Variants in CDC14B observed in about 807,000 individuals in gnomAD.
The protein encoded by CDC14B is cell division cycle 14B.
CDC14B carries 22 observed loss-of-function variants against 64.2 expected under a neutral mutation model. The observed-to-expected ratio is 0.34, with a 90% CI of 0.24 to 0.49. The LOEUF (loss-of-function observed/expected upper bound fraction) is 0.49, where lower values mean the gene tolerates loss of function less well. CDC14B is among the 20% of genes least tolerant of loss of function. CDC14B has a pLI of 0.99. For missense variants in CDC14B, 498 were observed against 629.9 expected (o/e 0.79, Z 2.24); for synonymous variants, 191 against 215.8 (o/e 0.89, Z 1.01).
chr9:96,518,101 C>T (rs185366034), intron 12 of CDC14B, among the ~76,000 whole-genome samples: 10 of 152,258 alleles, frequency 6.6e-5, no homozygotes, highest in Non-Finnish European at 1.5e-4. Context: ...ACATCTGTGA[C>T]CAAATATTAG....
chr9:96,496,372 G>A (rs1198823863), downstream of CDC14B: 3 of 508,908 alleles, frequency 5.9e-6, no homozygotes, highest in South Asian at 2.9e-5. Flanking sequence ...GGAAAAGGGA[G>A]GAGATGGACA....
At chr9:96,617,488 T>C (rs754955822) in intron 1 of CDC14B, among the ~76,000 whole-genome samples, 9 of 152,136 alleles carry the variant, frequency 5.9e-5, no homozygotes, top group Non-Finnish European at 1.2e-4. Context: ...AAACCGTATG[T>C]ACATTGGCCT....
intron 9 of CDC14B, among the ~76,000 whole-genome samples, chr9:96,524,853 T>TA (rs993252491): frequency 3.9e-5 from 6 of 152,036 alleles, no homozygotes; most frequent in East Asian, 1.9e-4. Flanking sequence ...CTCCTACATA[T>TA]AAAAAAAATC....
intron 1 of CDC14B, chr9:96,566,752 C>G (rs748469607): frequency 6.2e-7 from 1 of 1,600,448 alleles, no homozygotes; most frequent in South Asian, 1.1e-5. Context: ...GGGAAGCCCC[C>G]GCCCTCCCGG....
intron 13 of CDC14B, among the ~76,000 whole-genome samples, chr9:96,505,170 GACT>G (rs1833948710): frequency 6.7e-6 from 1 of 149,988 alleles, no homozygotes; most frequent in South Asian, 2.1e-4. Context: ...AACAGAGTGA[GACT>G]CTGTCTCATT....
chr9:96,553,593 T>A lies in CDC14B; in HGVS notation c.421-1721A>T, dbSNP rs561398579. Among the ~76,000 whole-genome samples, 5 of 152,088 alleles carry A rather than the reference T, an allele frequency of 3.3e-5. No homozygotes were observed. The South Asian group carries it at 1.0e-3, about 32-fold the overall frequency. ...CCAGGCTGGTCTCAAACTCCTGACT[T>A]CAGGTGATCCGCCTGCCTCGGCCTC... On this transcript the variant is annotated intron_variant, in intron 4 of 13. Coordinates refer to ENST00000375241, the MANE Select transcript of CDC14B (RefSeq NM_033331.4).
chr9:96,503,348 TC>T lies in CDC14B; in HGVS notation c.*404del, dbSNP rs953099141. The T allele has an allele frequency of 3.9e-5, 8 of 204,928 alleles. No homozygotes were observed. Among genetic ancestry groups the T allele is most frequent in the African/African-American group, 6.9e-5 (3 of 43,402 alleles). 12.7% of individuals were successfully genotyped at this position (204,928 alleles called of 1,614,324 possible). A position where few individuals can be genotyped will look rare whatever the true frequency, so the allele number is the denominator to read the frequency against. ...TATCTTTATAAATTTTGACACAGGG[TC>T]ACAAGGTGAACAGAAAATAAATACA... On this transcript the variant is annotated 3_prime_UTR_variant, in exon 14 of 14. Transcript: ENST00000375241.
chr9:96,607,590 T>TC (rs1375559976), intron 1 of CDC14B, among the ~76,000 whole-genome samples: 1 of 151,858 alleles, frequency 6.6e-6, no homozygotes, highest in Non-Finnish European at 1.5e-5. Context: ...CTGGCTAATT[T>TC]TTTTTTGCAT....
chr9:96,495,350 G>A (rs888952439), downstream of CDC14B, among the ~76,000 whole-genome samples: 9 of 152,044 alleles, frequency 5.9e-5, no homozygotes, highest in Non-Finnish European at 1.2e-4. Flanking sequence ...GACTGAGGGC[G>A]CCTTCAGCAA....
chr9:96,514,894 TC>T (rs1176878625), intron 12 of CDC14B: 2 of 985,290 alleles, frequency 2.0e-6, no homozygotes, highest in Non-Finnish European at 2.4e-6. Flanking sequence ...AGATGAAAGA[TC>T]TCAAGAGAAT....
At chr9:96,541,757 G>A in intron 6 of CDC14B, 69 bp downstream of exon 6, 1 of 1,055,384 alleles carries the variant, frequency 9.5e-7, no homozygotes, top group Admixed American at 2.4e-5. Context: ...TCGGGAAGAA[G>A]GCCTAGTTTT....
chr9:96,561,506 T>A (rs1843178156), intron 4 of CDC14B, among the ~76,000 whole-genome samples: 1 of 152,002 alleles, frequency 6.6e-6, no homozygotes, highest in South Asian at 2.1e-4. Flanking sequence ...TGAGACGGAG[T>A]CTCGCTCTGT....
At chr9:96,560,342 C>T (rs369350571) in intron 4 of CDC14B, among the ~76,000 whole-genome samples, 1 of 152,130 alleles carries the variant, frequency 6.6e-6, no homozygotes, top group African/African-American at 2.4e-5. Flanking sequence ...CCACAAAGAA[C>T]GGTTGGAACT....
chr9:96,587,997 A>C (rs1380091543), intron 1 of CDC14B, among the ~76,000 whole-genome samples: 4 of 152,190 alleles, frequency 2.6e-5, no homozygotes, highest in African/African-American at 7.2e-5. Context: ...TATGGCTTTC[A>C]AGATTTAATT....
Position 96,503,758 on chromosome 9 carries a change from G to C in CDC14B, c.1492C>G (p.Arg498Gly), listed in dbSNP as rs765782765. Residue 498 changes from arginine (R) to glycine (G), a missense_variant, in exon 14 of 14, where the codon CGT (arginine) becomes GGT (glycine). Physicochemically the swap from Arg to Gly is moderately radical, Grantham distance 125 (BLOSUM62 -2). Transcript: ENST00000375241. ...CTCTGGTCACAGGTTTTTACTTAAC[G>C]CAAGACTGTTTTAGTCCTTGAAATG... The part of the protein sequence containing the change: ...LSISRTKTVL[R>G] 6.8e-6 allele frequency: 11 copies of C among 1,613,516 alleles called. No individual in the cohort carries two copies. Among genetic ancestry groups the C allele is most frequent in the African/African-American group, 2.7e-5 (2 of 74,854 alleles).
chr9:96,581,566 GTT>G (rs1180637299), intron 1 of CDC14B, among the ~76,000 whole-genome samples: 2 of 144,212 alleles, frequency 1.4e-5, no homozygotes, highest in Non-Finnish European at 2.9e-5. Context: ...CTCCCAAAGA[GTT>G]ACAGTGGTTA....
At chr9:96,612,580 TA>T (rs1450220829) in intron 1 of CDC14B, among the ~76,000 whole-genome samples, 5 of 152,244 alleles carry the variant, frequency 3.3e-5, no homozygotes, top group African/African-American at 9.6e-5. Flanking sequence ...TCCTCATGCC[TA>T]GTGGCTAGCT....
chr9:96,515,775 A>G lies in CDC14B; in HGVS notation c.1344-5986T>C. 2 of 1,600,722 alleles carry G rather than the reference A, an allele frequency of 1.2e-6. No individual in the cohort carries two copies. Among genetic ancestry groups the G allele is most frequent in the Non-Finnish European group, 1.7e-6 (2 of 1,174,094 alleles). On this transcript the variant is annotated intron_variant, in intron 12 of 13. Coordinates refer to ENST00000375241, the MANE Select transcript of CDC14B (RefSeq NM_033331.4). The surrounding 1 kb of genome is among the most constrained non-coding windows in gnomAD (Gnocchi z 4.3). ...GACAACACTACACAGTGCAGAGGTC[A>G]GCACAGCTAGGGGACATCTGGAAAG...
chr9:96,498,705 C>T (rs572823549), downstream of CDC14B, among the ~76,000 whole-genome samples: 2 of 152,308 alleles, frequency 1.3e-5, no homozygotes, highest in South Asian at 2.1e-4. Context: ...GACAAAGTAG[C>T]GAATTGAAAG....
Sources: allele counts gnomAD v4.1 joint callset (sites outside exome capture counted in the v4.1 genomes callset), GRCh38; gene constraint gnomAD v4.1.1; non-coding constraint Gnocchi (gnomAD v3.1); transcripts MANE v1.5; gene names NCBI Gene and HGNC (gene_info 2026-07-23, HGNC 2026-07-21).